Variants in DYSF observed in about 807,000 individuals in gnomAD.
DYSF encodes dystrophy-associated fer-1-like 1.
Under a neutral mutation model 274.9 loss-of-function variants are expected in DYSF, and 212 were observed. The observed-to-expected ratio is 0.77, with a 90% CI of 0.69 to 0.86. The LOEUF (loss-of-function observed/expected upper bound fraction) is 0.86. Ranked by LOEUF, DYSF falls within the 40% of genes least tolerant of loss-of-function variation. DYSF has a pLI of 0.00. For missense variants in DYSF, 2,666 were observed against 2,783.2 expected, an observed-to-expected ratio of 0.96 and a Z score of 0.95; for synonymous variants, 1,091 against 1,078.7, an observed-to-expected ratio of 1.01 and a Z score of -0.22.
At chr2:71,453,852 T>G in exon 1 of DYSF, 1 of 820,392 alleles carries the variant, frequency 1.2e-6, no homozygotes, top group Non-Finnish European at 2.0e-6. Context: ...TAAGAGCAAC[T>G]GCTCTAAGCC....
chr2:71,588,217 C>G (rs1044142017), intron 30 of DYSF, among the ~76,000 whole-genome samples: 3 of 152,112 alleles, frequency 2.0e-5, no homozygotes, highest in Non-Finnish European at 4.4e-5. Context: ...GGGCGGGTCA[C>G]TGGGGGTCTG....
chr2:71,526,186 C>T (rs544193683), intron 12 of DYSF, 34 bp from the exon 13 acceptor site: 7 of 1,614,122 alleles, frequency 4.3e-6, no homozygotes, highest in African/African-American at 2.7e-5. Flanking sequence ...TGCTCAGGAG[C>T]GCATGAAGGA....
intron 42 of DYSF, among the ~76,000 whole-genome samples, chr2:71,647,023 A>G (rs576867106): frequency 3.2e-4 from 48 of 152,318 alleles, no homozygotes; most frequent in Middle Eastern, 6.8e-3. Context: ...ATATTTATGC[A>G]TAGAATAGTA....
intron 30 of DYSF, among the ~76,000 whole-genome samples, chr2:71,578,069 C>T (rs946019412): frequency 5.3e-5 from 8 of 152,246 alleles, no homozygotes; most frequent in South Asian, 2.1e-4. Flanking sequence ...GGATGAATGA[C>T]GATGCATGTA....
chr2:71,622,561 G>C (rs1574426191), intron 41 of DYSF, among the ~76,000 whole-genome samples: 1 of 152,272 alleles, frequency 6.6e-6, no homozygotes, highest in East Asian at 1.9e-4. Context: ...ATGATTGATG[G>C]TTTCAGACAG....
intron 12 of DYSF, among the ~76,000 whole-genome samples, chr2:71,525,976 A>G (rs1396206120): frequency 1.3e-5 from 2 of 152,196 alleles, no homozygotes; most frequent in Non-Finnish European, 2.9e-5. Flanking sequence ...CATTTACATC[A>G]TTACTGGAGA....
chr2:71,465,841 C>T (rs1267942391), upstream of DYSF, among the ~76,000 whole-genome samples: 3 of 152,102 alleles, frequency 2.0e-5, no homozygotes, highest in South Asian at 2.1e-4. Flanking sequence ...AGGAACCAGA[C>T]ATAATAAGCG....
intron 41 of DYSF, among the ~76,000 whole-genome samples, chr2:71,639,626 A>C (rs1219072188): frequency 6.6e-6 from 1 of 152,224 alleles, no homozygotes; most frequent in Non-Finnish European, 1.5e-5. Flanking sequence ...AGTTCCAAGC[A>C]GTTCAGGTCC....
In DYSF at chr2:71,481,969, A is replaced by C; in HGVS notation, c.238A>C (p.Arg80=). Residue 80 remains arginine (R), a splice_region_variant and synonymous_variant, in exon 3 of 56, where the codon AGG becomes CGG. Transcript: ENST00000410020. ...VKDHETMGRN[R]FLGEAKVPLR... is the part of the protein sequence containing the mutation. Reference sequence around the variant, plus strand: ...AGACCATGAGACGATGGGGAGGAACAGGTAAGGTGGCCAGAGGGGGGTGCT... The same window carrying C: ...AGACCATGAGACGATGGGGAGGAACCGGTAAGGTGGCCAGAGGGGGGTGCT... 1 of 1,613,848 alleles carries C rather than the reference A, an allele frequency of 6.2e-7. No individual in the cohort carries two copies. The highest frequency in any genetic ancestry group is 8.5e-7 in the Non-Finnish European group (1 of 1,179,878).
At chr2:71,658,097 C>G (rs1415840906) in intron 43 of DYSF, among the ~76,000 whole-genome samples, 1 of 152,192 alleles carries the variant, frequency 6.6e-6, no homozygotes, top group Non-Finnish European at 1.5e-5. Context: ...CTTTTGAATG[C>G]TTTGCTGCTT....
chr2:71,683,287 G>A (rs1311012558), intron 55 of DYSF, among the ~76,000 whole-genome samples: 3 of 152,140 alleles, frequency 2.0e-5, no homozygotes, highest in Non-Finnish European at 4.4e-5. Context: ...TTGGTAAGAA[G>A]CCAATTGATG....
chr2:71,635,239 C>T (rs911415614), intron 41 of DYSF, among the ~76,000 whole-genome samples: 10 of 152,184 alleles, frequency 6.6e-5, no homozygotes, highest in Admixed American at 3.3e-4. Flanking sequence ...TCATTTCTTT[C>T]GCCTATGATG....
intron 10 of DYSF, 91 bp downstream of exon 10, chr2:71,517,130 C>T: frequency 8.5e-7 from 1 of 1,183,406 alleles, no homozygotes; most frequent in East Asian, 2.3e-5. Context: ...TCCAGAGATC[C>T]TGTGTTTCTC....
chr2:71,596,760 G>A (rs1005166244), intron 32 of DYSF, among the ~76,000 whole-genome samples: 3 of 152,212 alleles, frequency 2.0e-5, no homozygotes, highest in Non-Finnish European at 4.4e-5. Context: ...TTTTCCTGCA[G>A]GAAGTCCTCC....
chr2:71,650,993 G>C (rs1346249902), intron 42 of DYSF, among the ~76,000 whole-genome samples: 2 of 152,088 alleles, frequency 1.3e-5, no homozygotes, highest in African/African-American at 4.8e-5. Flanking sequence ...CAGAATGCCG[G>C]GAAAATGAAA....
At chr2:71,559,499 C>T (rs996303997) in intron 22 of DYSF, among the ~76,000 whole-genome samples, 6 of 152,214 alleles carry the variant, frequency 3.9e-5, no homozygotes, top group Admixed American at 2.0e-4. Flanking sequence ...CAGGAAAAGC[C>T]CCTGCTCTCA....
intron 4 of DYSF, among the ~76,000 whole-genome samples, chr2:71,506,060 T>C (rs2152720793): frequency 6.6e-6 from 1 of 152,158 alleles, no homozygotes; most frequent in African/African-American, 2.4e-5. Context: ...GAGGGAGAGG[T>C]TAGTGAGGGC....
chr2:71,671,005 C>G (rs2095110021), intron 51 of DYSF, among the ~76,000 whole-genome samples: 1 of 152,188 alleles, frequency 6.6e-6, no homozygotes, highest in Non-Finnish European at 1.5e-5. Flanking sequence ...GACTCCTTGT[C>G]TCCTGAAAGG....
intron 3 of DYSF, among the ~76,000 whole-genome samples, chr2:71,489,777 T>C (rs1420560397): frequency 1.3e-5 from 2 of 152,142 alleles, no homozygotes; most frequent in East Asian, 1.9e-4. Flanking sequence ...CCATCAGAGC[T>C]TGCAGGGCAG....
Sources: gnomAD v4.1 joint callset for allele counts (sites outside exome capture counted in the v4.1 genomes callset) on GRCh38, gnomAD v4.1.1 for gene constraint, MANE v1.5 for transcripts, NCBI Gene and HGNC (gene_info 2026-07-23, HGNC 2026-07-21) for gene names.